TRPM6: variants seen among roughly 807,000 people sequenced by gnomAD.
The protein encoded by TRPM6 is channel kinase 2.
TRPM6 carries 111 observed loss-of-function variants against 247.6 expected under a neutral mutation model. The observed-to-expected ratio is 0.45, with a 90% CI of 0.38 to 0.52. The LOEUF (loss-of-function observed/expected upper bound fraction) is 0.52, where lower values mean the gene tolerates loss of function less well. Among genes scored for constraint, TRPM6 ranks in the 20% least tolerant of loss-of-function variants. The pLI is 0.00. For missense variants in TRPM6, 2,126 were observed against 2,421.5 expected (o/e 0.88, Z 2.56); for synonymous variants, 892 against 853.8 (o/e 1.04, Z -0.78).
rs551473598 is a variant in TRPM6 at position 74,785,191 on chromosome 9, C to T, written c.2919+683G>A. On this transcript the variant is annotated intron_variant, in intron 21 of 38. Transcript: ENST00000360774. ...GAAGAACCATTAAAAAGAAGCCAGG[C>T]GTGATGGTGCATGCCTATAGTCCCA... Among the ~76,000 whole-genome samples, 8 of 152,204 alleles carry T rather than the reference C, an allele frequency of 5.3e-5. No homozygotes were observed. In the East Asian group the frequency reaches 5.8e-4, roughly 11 times the overall value.
At chr9:74,842,377 A>C (rs757410770) in intron 3 of TRPM6, 34 bp from the exon 4 acceptor site, 8 of 1,605,502 alleles carry the variant, frequency 5.0e-6, no homozygotes, top group Middle Eastern at 1.6e-4. Flanking sequence ...ACTCAACTTC[A>C]AAATAGAAAA....
At chr9:74,821,997 A>G (rs1166186775) in intron 7 of TRPM6, among the ~76,000 whole-genome samples, 160 bp from the exon 8 acceptor site, 3 of 152,236 alleles carry the variant, frequency 2.0e-5, no homozygotes, top group Non-Finnish European at 4.4e-5. Flanking sequence ...ATCAAGACCA[A>G]GCCAGAAACT....
chr9:74,838,645 G>A (rs2118174637), intron 5 of TRPM6, among the ~76,000 whole-genome samples: 1 of 152,332 alleles, frequency 6.6e-6, no homozygotes. Flanking sequence ...GGCAGTAAAT[G>A]CTGTAGAAAT....
At chr9:74,844,339 C>A (rs1297669968) in intron 3 of TRPM6, among the ~76,000 whole-genome samples, 1 of 152,226 alleles carries the variant, frequency 6.6e-6, no homozygotes, top group African/African-American at 2.4e-5. Context: ...CTTCTTCCAA[C>A]ATAAGGCTGT....
At chr9:74,785,611 C>T (rs1482676899) in intron 21 of TRPM6, among the ~76,000 whole-genome samples, 1 of 152,146 alleles carries the variant, frequency 6.6e-6, no homozygotes, top group Admixed American at 6.5e-5. Context: ...CAAGCTCCGC[C>T]TCCCGGGTTC....
intron 1 of TRPM6, among the ~76,000 whole-genome samples, chr9:74,876,636 G>A (rs1476070040): frequency 3.9e-5 from 6 of 152,052 alleles, no homozygotes; most frequent in Admixed American, 6.6e-5. Flanking sequence ...CTTTACTATC[G>A]CTTACCCACA....
intron 3 of TRPM6, among the ~76,000 whole-genome samples, chr9:74,849,538 C>T (rs1830226529): frequency 6.6e-6 from 1 of 151,972 alleles, no homozygotes; most frequent in Non-Finnish European, 1.5e-5. Flanking sequence ...AGAAACCAAC[C>T]CTGCAAACAA....
rs1423499234 is a variant in TRPM6, at chr9:74,803,829, G to A, written c.1696C>T (p.Gln566Ter). 6.2e-7 allele frequency: 1 copy of A among 1,613,414 alleles called. No homozygotes were observed. The highest frequency in any genetic ancestry group is 1.3e-5 in the African/African-American group (1 of 74,890). The change falls in exon 15 of 39, where the codon CAG becomes TAG. Residue 566 changes from glutamine (Q) to a stop codon, truncating the protein, a stop_gained. Coordinates refer to ENST00000360774, the MANE Select transcript of TRPM6 (RefSeq NM_017662.5). LOFTEE classifies it high-confidence loss of function. The part of the protein sequence containing the change: ...NESAESTLHS[Q>*]FIRTAQPYKF... Reference sequence around the variant, plus strand: ...TATGGCTGTGCAGTTCTAATGAACTGGGAGTGCAGCGTACTTTCTGCAGAC... The same window carrying A: ...TATGGCTGTGCAGTTCTAATGAACTAGGAGTGCAGCGTACTTTCTGCAGAC...
At chr9:74,820,479 G>A in intron 8 of TRPM6, 52 bp from the exon 9 acceptor site, 3 of 1,610,840 alleles carry the variant, frequency 1.9e-6, no homozygotes, top group African/African-American at 2.7e-5. Context: ...GAATGAGCCG[G>A]CAACATCAGT....
intron 19 of TRPM6, among the ~76,000 whole-genome samples, chr9:74,790,033 T>TGG (rs1365849658): frequency 6.8e-6 from 1 of 148,040 alleles, no homozygotes; most frequent in Non-Finnish European, 1.5e-5. Flanking sequence ...TGTGTGTGTG[T>TGG]GTGGGTTCAT....
At chr9:74,842,586 T>G (rs1829980081) in intron 3 of TRPM6, among the ~76,000 whole-genome samples, 1 of 152,200 alleles carries the variant, frequency 6.6e-6, no homozygotes. Flanking sequence ...CAGGAATACC[T>G]TGGAGACATT....
chr9:74,793,302 C>T (rs1827972742), intron 18 of TRPM6, among the ~76,000 whole-genome samples: 1 of 152,146 alleles, frequency 6.6e-6, no homozygotes, highest in Non-Finnish European at 1.5e-5. Context: ...AGTAATCAAA[C>T]CCAAAGTAAG....
rs143403713 is a variant in TRPM6 at position 74,804,041 on chromosome 9, C to T, written c.1639-155G>A. On this transcript the variant is annotated intron_variant, in intron 14 of 38. Transcript: ENST00000360774. Reference sequence around the variant, plus strand: ...ATAATGTTGTGTCCTACCAAATATCCATGCCTCTGTTTCTCTCCATGATTA... The same window carrying T: ...ATAATGTTGTGTCCTACCAAATATCTATGCCTCTGTTTCTCTCCATGATTA... Among the ~76,000 whole-genome samples, 19 of 96,986 alleles carry T rather than the reference C, an allele frequency of 2.0e-4. No homozygotes were observed. The East Asian group carries it at 8.0e-3, about 41-fold the overall frequency. 63.6% of individuals were successfully genotyped at this position (96,986 alleles called of 152,430 possible).
chr9:74,752,354 T>C lies in TRPM6; in HGVS notation c.4921A>G (p.Ile1641Val), dbSNP rs964767508. ...KFSHTGVEPY[I>V]HQKMKTKEIG... is the part of the protein sequence containing the mutation. ...TCTTTAGTTTTCATTTTCTGATGTATGTAAGGTTCTACACCTTGTAAAGAG... is the reference window on the plus strand; with the variant it reads ...TCTTTAGTTTTCATTTTCTGATGTACGTAAGGTTCTACACCTTGTAAAGAG... The change falls in exon 29 of 39, where the codon ATA becomes GTA. Residue 1641 changes from isoleucine (I) to valine (V), a missense_variant. Around this residue, in one of 3 missense-constraint regions of TRPM6, gnomAD observed 717 missense variants for 715.9 expected, o/e 1.00. Transcript: ENST00000360774. The C allele has an allele frequency of 1.3e-6, 2 of 1,576,512 alleles. No individual in the cohort carries two copies. Among genetic ancestry groups the C allele is most frequent in the African/African-American group, 1.3e-5 (1 of 74,346 alleles).
At chr9:74,745,797 C>A (rs1275041587) in intron 31 of TRPM6, among the ~76,000 whole-genome samples, 1 of 152,076 alleles carries the variant, frequency 6.6e-6, no homozygotes, top group East Asian at 1.9e-4. Context: ...TTTGCTTTTG[C>A]AAAGTGAGGA....
In TRPM6 at chr9:74,785,989, T is replaced by C. The variant is rs1827649609; in HGVS notation, c.2804A>G (p.His935Arg). The C allele has an allele frequency of 6.2e-7, 1 of 1,614,086 alleles. No individual in the cohort carries two copies. The highest frequency in any genetic ancestry group is 1.7e-5 in the Admixed American group (1 of 59,990). ...FVLRWGDPPFHTAGRLIYCID... is the reference protein window; with the variant it reads ...FVLRWGDPPFRTAGRLIYCID... ...GCAGTAGATCAGTCTTCCCGCTGTGTGAAAAGGAGGGTCACCCCATCGAAG... is the reference window on the plus strand; with the variant it reads ...GCAGTAGATCAGTCTTCCCGCTGTGCGAAAAGGAGGGTCACCCCATCGAAG... The change falls in exon 21 of 39, where the codon CAC (histidine) becomes CGC (arginine). Residue 935 changes from histidine to arginine, a missense_variant. Transcript: ENST00000360774.
intron 25 of TRPM6, among the ~76,000 whole-genome samples, chr9:74,769,577 T>C (rs1826948059): frequency 6.6e-6 from 1 of 151,734 alleles, no homozygotes; most frequent in Non-Finnish European, 1.5e-5. Flanking sequence ...GCTAACACGG[T>C]GAAACCCCGT....
chr9:74,752,588 A>C (rs1347292177), intron 28 of TRPM6, among the ~76,000 whole-genome samples: 1 of 152,150 alleles, frequency 6.6e-6, no homozygotes, highest in African/African-American at 2.4e-5. Context: ...AGTTACTTTC[A>C]CATTTATAAC....
rs1271253860 is a variant in TRPM6 at position 74,775,958 on chromosome 9, G to A, written c.3328C>T (p.His1110Tyr). The change falls in exon 24 of 39, where the codon CAC becomes TAC. Residue 1110 changes from histidine to tyrosine, a missense_variant. Transcript: ENST00000360774. The part of the protein sequence containing the change: ...WLPPPLILLS[H>Y]VGLLLRRLCC... ...AGGCGGCGGAGGAGAAGGCCCACGT[G>A]GCTCAGCAGGATGAGAGGTGGGGGC... 16 of 1,614,182 alleles carry A rather than the reference G, an allele frequency of 9.9e-6. No individual in the cohort carries two copies. The highest frequency in any genetic ancestry group is 1.4e-5 in the Non-Finnish European group (16 of 1,180,034).
Sources: gnomAD v4.1 joint callset for allele counts (sites outside exome capture counted in the v4.1 genomes callset) on GRCh38, gnomAD v4.1.1 for gene constraint, gnomAD v4.1.1 regional missense constraint, MANE v1.5 for transcripts, NCBI Gene and HGNC (gene_info 2026-07-23, HGNC 2026-07-21) for gene names.